HEATR5B: variants seen among roughly 807,000 people sequenced by gnomAD.
HEATR5B encodes the protein HEAT repeat containing 5B, also known as HEAT repeat-containing protein 5B.
Under a neutral mutation model 224.1 loss-of-function variants are expected in HEATR5B, and 156 were observed. The observed-to-expected ratio is 0.70, with a 90% confidence interval of 0.61 to 0.80. HEATR5B has a LOEUF of 0.80. Ranked by LOEUF, HEATR5B falls within the 30% of genes least tolerant of loss-of-function variation. The pLI is 0.00. For missense variants in HEATR5B, 2,323 were observed against 2,535.5 expected (o/e 0.92, Z 1.80); for synonymous variants, 1,027 against 893.0 (o/e 1.15, Z -2.68).
At chr2:37,039,434 C>A (rs1414473264) in intron 20 of HEATR5B, among the ~76,000 whole-genome samples, 1 of 152,118 alleles carries the variant, frequency 6.6e-6, no homozygotes, top group Non-Finnish European at 1.5e-5. Context: ...CCACTGCACT[C>A]CAGCCTGGGC....
chr2:36,984,213 A>ATATATAT (rs1553411467), intron 35 of HEATR5B, among the ~76,000 whole-genome samples: 1 of 86,112 alleles, frequency 1.2e-5, no homozygotes, highest in African/African-American at 4.6e-5. Flanking sequence ...AAAAAAAAAA[A>ATATATAT]AAATATATAT....
intron 18 of HEATR5B, among the ~76,000 whole-genome samples, chr2:37,041,852 T>C (rs948845863): frequency 2.6e-5 from 4 of 151,654 alleles, no homozygotes; most frequent in Non-Finnish European, 4.4e-5. Context: ...ATTTTTAATA[T>C]TAATTATTCC....
intron 3 of HEATR5B, among the ~76,000 whole-genome samples, 198 bp downstream of exon 3, chr2:37,078,922 C>T (rs1672387754): frequency 6.6e-6 from 1 of 152,154 alleles, no homozygotes; most frequent in African/African-American, 2.4e-5. Context: ...TTTGGATATT[C>T]CCATTTGTAT....
intron 30 of HEATR5B, among the ~76,000 whole-genome samples, chr2:37,005,338 C>T (rs1489591007): frequency 3.9e-5 from 6 of 152,152 alleles, no homozygotes; most frequent in Non-Finnish European, 8.8e-5. Context: ...CATCGGGCTC[C>T]TCCTCTCTAT....
At chr2:37,043,059 C>T (rs916851188) in intron 18 of HEATR5B, among the ~76,000 whole-genome samples, 1 of 152,170 alleles carries the variant, frequency 6.6e-6, no homozygotes, top group Non-Finnish European at 1.5e-5. Flanking sequence ...CATATCTCAA[C>T]TGGTTCAGCT....
intron 15 of HEATR5B, 32 bp downstream of exon 15, chr2:37,057,285 G>C: frequency 3.3e-6 from 5 of 1,516,410 alleles, no homozygotes; most frequent in Non-Finnish European, 4.5e-6. Context: ...TTCAGATTAA[G>C]TTAGTATTTC....
chr2:37,037,795 T>G, intron 21 of HEATR5B, 60 bp downstream of exon 21: 2 of 1,299,904 alleles, frequency 1.5e-6, no homozygotes, highest in Non-Finnish European at 2.0e-6. Flanking sequence ...ATAAAAAATT[T>G]TTTAAATGTA....
intron 32 of HEATR5B, among the ~76,000 whole-genome samples, 178 bp downstream of exon 32, chr2:37,002,128 G>A (rs1321640595): frequency 1.3e-5 from 2 of 152,086 alleles, no homozygotes; most frequent in African/African-American, 4.8e-5. Context: ...GTGACTTTTT[G>A]AATCTTTAAT....
intron 23 of HEATR5B, among the ~76,000 whole-genome samples, 200 bp from the exon 24 acceptor site, chr2:37,028,374 A>G (rs1668913091): frequency 6.6e-6 from 1 of 152,148 alleles, no homozygotes; most frequent in African/African-American, 2.4e-5. Flanking sequence ...TGTAAACTAC[A>G]TTTAAATATT....
At position 37,084,362 on chromosome 2, in the gene HEATR5B, G is replaced by T. The variant is rs1433090444; in HGVS notation, c.-116C>A. The T allele has an allele frequency of 1.3e-5, 7 of 526,748 alleles. No individual in the cohort carries two copies. Among genetic ancestry groups the T allele is most frequent in the East Asian group, 3.5e-5 (1 of 28,542 alleles). 32.6% of individuals were successfully genotyped at this position (526,748 alleles called of 1,614,324 possible). On this transcript the variant is annotated 5_prime_UTR_variant, in exon 1 of 36. In the 5' UTR this introduces an upstream ATG that the reference lacks. Transcript: ENST00000233099. Reference sequence around the variant, plus strand: ...CCCACCTCCCGCACTCCTACCTGCAGGAAACAAGGGAAGAGCGCTTGCGCG... The same window carrying T: ...CCCACCTCCCGCACTCCTACCTGCATGAAACAAGGGAAGAGCGCTTGCGCG...
At position 37,019,020 on chromosome 2, in the gene HEATR5B, C is replaced by T. The variant is rs182888053; in HGVS notation, c.4104+789G>A. Among the ~76,000 whole-genome samples the T allele has an allele frequency of 1.8e-4, 27 of 152,010 alleles. No homozygotes were observed. In the East Asian group the frequency reaches 4.9e-3, roughly 27 times the overall value. On this transcript the variant is annotated intron_variant, in intron 26 of 35. Transcript: ENST00000233099. ...ATTAAAAACACACAAATTAGCTGGG[C>T]GTGGTGGCGGGCACCTAATCCCAGC...
intron 6 of HEATR5B, 137 bp downstream of exon 6, chr2:37,071,973 C>G (rs767799933): frequency 8.0e-6 from 5 of 628,478 alleles, no homozygotes; most frequent in Non-Finnish European, 7.7e-6. Flanking sequence ...CATGAGTCAC[C>G]GCGCCCAGCC....
intron 33 of HEATR5B, among the ~76,000 whole-genome samples, chr2:36,993,022 G>A (rs993678875): frequency 6.6e-6 from 1 of 152,098 alleles, no homozygotes; most frequent in Non-Finnish European, 1.5e-5. Context: ...AAGGTGTCCG[G>A]CCCCATTTTA....
At position 37,053,580 on chromosome 2, in the gene HEATR5B, T is replaced by C. The variant is rs749241863; in HGVS notation, c.2427A>G (p.Glu809=). The change falls in exon 17 of 36, where the codon GAA becomes GAG. Residue 809 remains glutamate, a synonymous_variant. Transcript: ENST00000233099. ...GGACACCTTTAGCTTGTTTAACACA[T>C]TCAGCAAAGTGATCCAACATTTGTA... is the stretch of plus-strand genomic sequence containing the variant. ...HRLQMLDHFA[E]CVKQAKGVRQ... The C allele has an allele frequency of 1.9e-6, 3 of 1,605,236 alleles. No individual in the cohort carries two copies. Among genetic ancestry groups the C allele is most frequent in the Non-Finnish European group, 2.6e-6 (3 of 1,173,760 alleles).
Position 37,060,702 on chromosome 2 carries a change from C to A in HEATR5B, c.1728G>T (p.Lys576Asn). ...GPSVVRYHLP[K>N]MLLLWRNVFP... ...AAACATTTCGCCACAATAACAACAT[C>A]TTGGGCAGATGGTAACGAACGACAG... The change falls in exon 12 of 36, where the codon AAG (lysine) becomes AAT (asparagine). Residue 576 changes from lysine (K) to asparagine (N), a missense_variant. Lys to Asn is a moderately conservative substitution (Grantham distance 94). Transcript: ENST00000233099. 2 of 1,613,730 alleles carry A rather than the reference C, an allele frequency of 1.2e-6. No individual in the cohort carries two copies. Among genetic ancestry groups the A allele is most frequent in the Non-Finnish European group, 1.7e-6 (2 of 1,179,804 alleles).
At chr2:36,981,884 T>C in intron 35 of HEATR5B, 90 bp from the exon 36 acceptor site, 1 of 892,146 alleles carries the variant, frequency 1.1e-6, no homozygotes, top group Non-Finnish European at 1.7e-6. Flanking sequence ...AGACTGAACA[T>C]AATAAAATAT....
intron 35 of HEATR5B, among the ~76,000 whole-genome samples, chr2:36,985,670 T>C (rs1045970232): frequency 1.4e-5 from 2 of 146,602 alleles, no homozygotes; most frequent in African/African-American, 5.1e-5. Flanking sequence ...TTTCACCATA[T>C]TGGCCAGGCT....
intron 8 of HEATR5B, 104 bp from the exon 9 acceptor site, chr2:37,066,014 G>A: frequency 1.0e-6 from 1 of 958,686 alleles, no homozygotes; most frequent in Non-Finnish European, 1.5e-6. Flanking sequence ...TGATGTCCGA[G>A]TGTTAAAAAC....
At chr2:36,994,768 T>G (rs1666575018) in intron 33 of HEATR5B, among the ~76,000 whole-genome samples, 1 of 152,228 alleles carries the variant, frequency 6.6e-6, no homozygotes, top group East Asian at 1.9e-4. Flanking sequence ...TATTTATTTT[T>G]TGAGACAGAG....
Sources: gnomAD v4.1 joint callset for allele counts (sites outside exome capture counted in the v4.1 genomes callset) on GRCh38, gnomAD v4.1.1 for gene constraint, MANE v1.5 for transcripts, NCBI Gene and HGNC (gene_info 2026-07-23, HGNC 2026-07-21) for gene names.